Variants in CFAP221 observed in about 807,000 individuals in gnomAD.
The protein encoded by CFAP221 is cilia- and flagella-associated protein 221.
Under a neutral mutation model 113.1 loss-of-function variants are expected in CFAP221, and 97 were observed. The ratio of observed to expected loss-of-function variants is 0.86; its 90% CI spans 0.73 to 1.02. CFAP221 has a LOEUF of 1.02. CFAP221 is among the 50% of genes least tolerant of loss of function. CFAP221 has a pLI of 0.00. For synonymous variants in CFAP221, 331 were observed against 354.4 expected (o/e 0.93, Z 0.74); for missense variants, 1,025 against 1,013.4 (o/e 1.01, Z -0.16).
intron 14 of CFAP221, among the ~76,000 whole-genome samples, chr2:119,622,910 T>C (rs1344399932): frequency 6.6e-6 from 1 of 152,128 alleles, no homozygotes; most frequent in African/African-American, 2.4e-5. Flanking sequence ...ACAGCCAATA[T>C]CATACTGAAT....
chr2:119,562,797 A>G (rs930236820), intron 6 of CFAP221, among the ~76,000 whole-genome samples: 7 of 152,324 alleles, frequency 4.6e-5, no homozygotes, highest in African/African-American at 1.4e-4. Flanking sequence ...TTCAATATCC[A>G]TAGAGGATTG....
At chr2:119,568,045 G>C (rs1424302969) in intron 6 of CFAP221, among the ~76,000 whole-genome samples, 1 of 151,896 alleles carries the variant, frequency 6.6e-6, no homozygotes, top group African/African-American at 2.4e-5. Flanking sequence ...TTCACAGATA[G>C]TTTGAGTACC....
chr2:119,631,428 C>A (rs1686767484), intron 19 of CFAP221, among the ~76,000 whole-genome samples: 1 of 152,202 alleles, frequency 6.6e-6, no homozygotes, highest in East Asian at 1.9e-4. Context: ...AATCCCAACA[C>A]TTTAGGAAGC....
intron 21 of CFAP221, among the ~76,000 whole-genome samples, chr2:119,646,197 G>A (rs1232213172): frequency 1.2e-4 from 19 of 152,194 alleles, no homozygotes; most frequent in Admixed American, 1.2e-3. Flanking sequence ...GTATAAAGGT[G>A]GAGGGAAAAT....
chr2:119,631,094 C>T (rs1686744739), intron 19 of CFAP221, 193 bp downstream of exon 19: 1 of 1,260,330 alleles, frequency 7.9e-7, no homozygotes, highest in South Asian at 3.0e-5. Flanking sequence ...TTTAGCAATT[C>T]CTGCATTTTT....
Position 119,652,063 on chromosome 2 carries a change from A to G in CFAP221, c.2408A>G (p.Lys803Arg). The G allele has an allele frequency of 6.2e-7, 1 of 1,609,402 alleles. No individual in the cohort carries two copies. ...FPMLNYKDIR[K>R]EKEVKDQAQP... is the part of the protein sequence containing the mutation. ...ATGTTGAACTACAAGGACATCAGGA[A>G]GGAGAAGTAAGTGGATGCTTTTATG... Residue 803 changes from lysine to arginine, a missense_variant, in exon 23 of 24, where the codon AAG (lysine) becomes AGG (arginine). Physicochemically the swap from Lys to Arg is conservative, Grantham distance 26. Transcript: ENST00000413369.
At chr2:119,582,291 T>A (rs1158147983) in intron 6 of CFAP221, among the ~76,000 whole-genome samples, 2 of 152,130 alleles carry the variant, frequency 1.3e-5, no homozygotes, top group Non-Finnish European at 2.9e-5. Flanking sequence ...AAGTCAGTAC[T>A]TTTTGTTGTT....
chr2:119,580,449 T>C (rs1682771213), intron 6 of CFAP221: 1 of 152,196 alleles, frequency 6.6e-6, no homozygotes, highest in South Asian at 2.1e-4. Context: ...CAAAGAGACA[T>C]CATAGCTAAG....
intron 13 of CFAP221, among the ~76,000 whole-genome samples, chr2:119,614,182 A>G (rs1214850509): frequency 5.3e-5 from 8 of 152,230 alleles, no homozygotes; most frequent in African/African-American, 1.9e-4. Context: ...TTCATTGTCC[A>G]TATTACAATC....
intron 7 of CFAP221, among the ~76,000 whole-genome samples, chr2:119,592,755 A>C (rs142434153): frequency 1.3e-5 from 2 of 152,326 alleles, no homozygotes; most frequent in Non-Finnish European, 2.9e-5. Context: ...GGTGAGGTCT[A>C]ACAGTCTTGG....
In CFAP221 at chr2:119,625,646, A is replaced by G; in HGVS notation, c.1474A>G (p.Ile492Val). ...SAVREMDKES[I>V]LRKIGQAKQS... is the part of the protein sequence containing the mutation. ...TGTTCGTGAAATGGACAAAGAGAGT[A>G]TACTGAGAAAGATTGGCCAAGCAAA... The change falls in exon 15 of 24, where the codon ATA becomes GTA. Residue 492 changes from isoleucine (I) to valine (V), a missense_variant. By Grantham distance (29) the Ile-to-Val change is conservative (BLOSUM62 3). Transcript: ENST00000413369. 1 of 1,613,896 alleles carries G rather than the reference A, an allele frequency of 6.2e-7. No individual in the cohort carries two copies. Among genetic ancestry groups the G allele is most frequent in the Non-Finnish European group, 8.5e-7 (1 of 1,179,730 alleles).
At chr2:119,548,981 C>A in intron 2 of CFAP221, 104 bp from the exon 3 acceptor site, 1 of 717,602 alleles carries the variant, frequency 1.4e-6, no homozygotes, top group Non-Finnish European at 2.1e-6. Context: ...TTTTCATATG[C>A]TTAAAATGCC....
chr2:119,617,517 A>C (rs1442727065), intron 14 of CFAP221, among the ~76,000 whole-genome samples: 24 of 152,216 alleles, frequency 1.6e-4, no homozygotes. Flanking sequence ...GTCCTTCTGC[A>C]CTGAGCCTTC....
At chr2:119,600,851 C>T (rs770998022) in intron 7 of CFAP221, among the ~76,000 whole-genome samples, 5 of 152,108 alleles carry the variant, frequency 3.3e-5, no homozygotes, top group South Asian at 2.1e-4. Context: ...CTATTCAACA[C>T]GAAGACAAAG....
chr2:119,554,815 C>T (rs545075236), intron 3 of CFAP221, among the ~76,000 whole-genome samples: 21 of 152,248 alleles, frequency 1.4e-4, no homozygotes, highest in Non-Finnish European at 2.8e-4. Context: ...TAAAATAAAA[C>T]GCTTTAAAGA....
At chr2:119,584,389 C>CA (rs1233100106) in intron 6 of CFAP221, among the ~76,000 whole-genome samples, 2 of 152,104 alleles carry the variant, frequency 1.3e-5, no homozygotes, top group Non-Finnish European at 2.9e-5. Flanking sequence ...GAGTTCGAGA[C>CA]AAGCCTGGGC....
At chr2:119,626,494 C>G (rs747487542) in intron 15 of CFAP221, among the ~76,000 whole-genome samples, 1 of 152,048 alleles carries the variant, frequency 6.6e-6, no homozygotes, top group Non-Finnish European at 1.5e-5. Flanking sequence ...TGTTTTGTGC[C>G]CTCTGCTTCT....
chr2:119,548,502 T>C (rs1680201790), intron 2 of CFAP221, among the ~76,000 whole-genome samples: 1 of 152,196 alleles, frequency 6.6e-6, no homozygotes, highest in African/African-American at 2.4e-5. Context: ...CTGGACACTT[T>C]TGTGAGCTCA....
intron 21 of CFAP221, 88 bp downstream of exon 21, chr2:119,639,960 A>G: frequency 3.7e-6 from 4 of 1,082,928 alleles, no homozygotes; most frequent in Non-Finnish European, 5.6e-6. Flanking sequence ...TGCCAATAAT[A>G]TGTCAAACCA....
Sources: allele counts gnomAD v4.1 joint callset (sites outside exome capture counted in the v4.1 genomes callset), GRCh38; gene constraint gnomAD v4.1.1; transcripts MANE v1.5; gene names NCBI Gene and HGNC (gene_info 2026-07-23, HGNC 2026-07-21).